Variants in RASSF9 observed in about 807,000 individuals in gnomAD.
RASSF9 encodes Ras association domain family member 9, also known as ras association domain-containing protein 9.
RASSF9 carries 18 observed loss-of-function variants against 21.4 expected under a neutral mutation model. The observed-to-expected ratio is 0.84, with a 90% CI of 0.58 to 1.25. The LOEUF (loss-of-function observed/expected upper bound fraction) is 1.25. RASSF9 is among the 50% of genes most tolerant of loss of function. The probability of loss-of-function intolerance (pLI) is 0.00; values close to 1 mark genes in which losing one functional copy is unlikely to be tolerated. For missense variants in RASSF9, 480 were observed against 503.2 expected, an observed-to-expected ratio of 0.95 and a Z score of 0.44; for synonymous variants, 183 against 179.1, an observed-to-expected ratio of 1.02 and a Z score of -0.18.
chr12:85,815,186 C>A (rs1880034299), intron 1 of RASSF9, among the ~76,000 whole-genome samples: 1 of 151,762 alleles, frequency 6.6e-6, no homozygotes, highest in Admixed American at 6.6e-5. Context: ...AAAAAAAAAC[C>A]AAAAACCTCT....
chr12:85,829,135 G>T (rs936386441), intron 1 of RASSF9, among the ~76,000 whole-genome samples: 1 of 152,082 alleles, frequency 6.6e-6, no homozygotes, highest in Non-Finnish European at 1.5e-5. Context: ...GTAACTAAAG[G>T]TATATGAGGT....
chr12:85,835,263 C>T (rs1880533708), intron 1 of RASSF9, among the ~76,000 whole-genome samples: 1 of 152,020 alleles, frequency 6.6e-6, no homozygotes, highest in South Asian at 2.1e-4. Context: ...GGTGGACAAT[C>T]CCCTATGCCA....
chr12:85,836,051 A>G, intron 1 of RASSF9, 104 bp downstream of exon 1: 3 of 1,534,330 alleles, frequency 2.0e-6, no homozygotes, highest in Non-Finnish European at 2.6e-6. Context: ...TCAGAATCTA[A>G]CAACCACAAA....
intron 1 of RASSF9, among the ~76,000 whole-genome samples, chr12:85,819,041 C>T (rs549929482): frequency 7.3e-5 from 11 of 151,234 alleles, no homozygotes; most frequent in Admixed American, 5.9e-4. Flanking sequence ...TTGAATTGCC[C>T]GTTCAATTCA....
rs1383127378 is a variant in RASSF9 at position 85,804,697 on chromosome 12, T to G, written c.*5A>C. On this transcript the variant is annotated 3_prime_UTR_variant, in exon 2 of 2. Coordinates refer to ENST00000361228, the MANE Select transcript of RASSF9 (RefSeq NM_005447.4). Reference sequence around the variant, plus strand: ...TGAAAGCAGGTCAGAAAGGAGCCATTGGAACTATGTTGACAACAGCACCAC... The same window carrying G: ...TGAAAGCAGGTCAGAAAGGAGCCATGGGAACTATGTTGACAACAGCACCAC... The G allele has an allele frequency of 6.4e-7, 1 of 1,570,374 alleles. No individual in the cohort carries two copies. Among genetic ancestry groups the G allele is most frequent in the Non-Finnish European group, 8.7e-7 (1 of 1,153,620 alleles).
chr12:85,805,893 A>C lies in RASSF9; in HGVS notation c.117T>G (p.Leu39=). The C allele has an allele frequency of 1.2e-6, 2 of 1,613,936 alleles. No homozygotes were observed. ...TGGTGCGTTTAGTCAGCCCACAGACAAGCTTCTCTTCTTGGCAAACCCAAA... is the reference window on the plus strand; with the variant it reads ...TGGTGCGTTTAGTCAGCCCACAGACCAGCTTCTCTTCTTGGCAAACCCAAA... ...IVVWVCQEEK[L]VCGLTKRTTS... Residue 39 remains leucine, a synonymous_variant, in exon 2 of 2, where the codon CTT becomes CTG. Coordinates refer to ENST00000361228, the MANE Select transcript of RASSF9 (RefSeq NM_005447.4).
chr12:85,830,003 C>T (rs1880414444), intron 1 of RASSF9, among the ~76,000 whole-genome samples: 1 of 152,086 alleles, frequency 6.6e-6, no homozygotes, highest in African/African-American at 2.4e-5. Flanking sequence ...TGGTACAGTA[C>T]TAAACACAGT....
intron 1 of RASSF9, among the ~76,000 whole-genome samples, chr12:85,817,661 G>T (rs1880105301): frequency 6.6e-6 from 1 of 151,776 alleles, no homozygotes; most frequent in Admixed American, 6.6e-5. Context: ...ACATGTATTT[G>T]TTAATGGAAC....
intron 1 of RASSF9, among the ~76,000 whole-genome samples, chr12:85,813,712 T>C (rs1880001884): frequency 6.6e-6 from 1 of 151,716 alleles, no homozygotes; most frequent in African/African-American, 2.4e-5. Flanking sequence ...ATTTTATATA[T>C]AAAACTTAGC....
chr12:85,836,295 T>G lies in RASSF9; in HGVS notation c.-94A>C. The G allele has an allele frequency of 7.9e-6, 12 of 1,522,602 alleles. No homozygotes were observed. Among genetic ancestry groups the G allele is most frequent in the Non-Finnish European group, 1.1e-5 (12 of 1,126,934 alleles). 94.3% of individuals were successfully genotyped at this position (1,522,602 alleles called of 1,614,324 possible). ...ATTTCCAGGGTGAAGGGAGGAGGGCTGGAAGCTTTCTCTTCTCCTCGGATG... is the reference window on the plus strand; with the variant it reads ...ATTTCCAGGGTGAAGGGAGGAGGGCGGGAAGCTTTCTCTTCTCCTCGGATG... On this transcript the variant is annotated 5_prime_UTR_variant, in exon 1 of 2. Transcript: ENST00000361228.
intron 1 of RASSF9, among the ~76,000 whole-genome samples, chr12:85,810,504 G>A (rs970869697): frequency 6.6e-6 from 1 of 151,846 alleles, no homozygotes; most frequent in Non-Finnish European, 1.5e-5. Context: ...ATATAGAAAG[G>A]ATATGGAATA....
intron 1 of RASSF9, among the ~76,000 whole-genome samples, chr12:85,834,828 G>T (rs1880524506): frequency 6.6e-6 from 1 of 151,916 alleles, no homozygotes; most frequent in Non-Finnish European, 1.5e-5. Context: ...GAATATTCTA[G>T]AATATTTTAA....
chr12:85,825,937 G>A (rs1880323786), intron 1 of RASSF9, among the ~76,000 whole-genome samples: 1 of 152,108 alleles, frequency 6.6e-6, no homozygotes, highest in African/African-American at 2.4e-5. Context: ...TATAAGATTA[G>A]TCAGCCTGAC....
intron 1 of RASSF9, among the ~76,000 whole-genome samples, chr12:85,830,288 T>C (rs1880422032): frequency 6.6e-6 from 1 of 152,088 alleles, no homozygotes; most frequent in Non-Finnish European, 1.5e-5. Flanking sequence ...TTGTATGTCA[T>C]CTATTTATTA....
rs1555188388 is a variant in RASSF9, at chr12:85,804,955, A to G, written c.1055T>C (p.Met352Thr). ...EIKYSDSLLQ[M>T]KAKEYELLAK... ...CAGGAGTTCATATTCTTTTGCTTTC[A>G]TCTGAAGCAATGAGTCACTGTATTT... The change falls in exon 2 of 2, where the codon ATG becomes ACG. Residue 352 changes from methionine to threonine, a missense_variant. Met to Thr is a moderately conservative substitution (Grantham distance 81). Coordinates refer to ENST00000361228, the MANE Select transcript of RASSF9 (RefSeq NM_005447.4). The G allele has an allele frequency of 1.2e-6, 2 of 1,613,748 alleles. No homozygotes were observed. Among genetic ancestry groups the G allele is most frequent in the Non-Finnish European group, 1.7e-6 (2 of 1,179,816 alleles).
chr12:85,806,189 G>A (rs1391006859), intron 1 of RASSF9, among the ~76,000 whole-genome samples: 1 of 151,348 alleles, frequency 6.6e-6, no homozygotes, highest in Non-Finnish European at 1.5e-5. Context: ...TGGGACTACA[G>A]GCACCTGCCA....
At chr12:85,822,594 G>C (rs1446832732) in intron 1 of RASSF9, among the ~76,000 whole-genome samples, 2 of 152,124 alleles carry the variant, frequency 1.3e-5, no homozygotes, top group Admixed American at 6.5e-5. Flanking sequence ...TTATTGATAA[G>C]AGAAAAATAC....
At chr12:85,826,849 TA>T (rs1880345894) in intron 1 of RASSF9, among the ~76,000 whole-genome samples, 2 of 152,184 alleles carry the variant, frequency 1.3e-5, no homozygotes, top group African/African-American at 4.8e-5. Context: ...CCCACCACAA[TA>T]TAAAGAAAAA....
intron 1 of RASSF9, among the ~76,000 whole-genome samples, chr12:85,817,279 T>C (rs1187213515): frequency 6.6e-6 from 1 of 152,074 alleles, no homozygotes; most frequent in African/African-American, 2.4e-5. Flanking sequence ...AAGAGTCAAA[T>C]ACAATGTCAC....
Sources: allele counts gnomAD v4.1 joint callset (sites outside exome capture counted in the v4.1 genomes callset), GRCh38; gene constraint gnomAD v4.1.1; transcripts MANE v1.5; gene names NCBI Gene and HGNC (gene_info 2026-07-23, HGNC 2026-07-21).